The following SGCD variants were observed in gnomAD, a reference collection of about 807,000 sequenced individuals.
SGCD encodes sarcoglycan delta, also known as delta-sarcoglycan.
Under a neutral mutation model 36.6 loss-of-function variants are expected in SGCD, and 18 were observed. That is an observed-to-expected ratio of 0.49 (90% CI 0.34 to 0.73). The LOEUF (loss-of-function observed/expected upper bound fraction) is 0.73, where lower values mean the gene tolerates loss of function less well. Among genes scored for constraint, SGCD ranks in the 30% least tolerant of loss-of-function variants. The pLI is 0.01. For synonymous variants in SGCD, 133 were observed against 130.6 expected, an observed-to-expected ratio of 1.02 and a Z score of -0.12; for missense variants, 387 against 346.7, an observed-to-expected ratio of 1.12 and a Z score of -0.92.
In SGCD at chr5:155,921,948, A is replaced by G. The variant is rs78481690; in HGVS notation, c.-282+51524A>G. The stretch of plus-strand genomic sequence containing the variant: ...GGTGCCTAATGCACCTACTATGTGT[A>G]AGGACTAGAGACACGTACTCTGGAA... On this transcript the variant is annotated intron_variant, in intron 1 of 9. Transcript: ENST00000517913. 1.3e-4 allele frequency among the ~76,000 whole-genome samples: 20 copies of G among 152,350 alleles called. No individual in the cohort carries two copies. In the East Asian group the frequency reaches 3.7e-3, roughly 28 times the overall value.
chr5:155,820,304 C>T, the SGCD span, among the ~76,000 whole-genome samples: 1 of 152,094 alleles, frequency 6.6e-6, no homozygotes, highest in Non-Finnish European at 1.5e-5. Context: ...AGCAGACAGG[C>T]AGAATTGGAA....
intron 1 of SGCD, among the ~76,000 whole-genome samples, chr5:156,010,688 C>T (rs999637659): frequency 1.3e-5 from 2 of 152,096 alleles, no homozygotes; most frequent in Non-Finnish European, 2.9e-5. Context: ...TAATCTTTGG[C>T]ACAAACTTGG....
At chr5:156,379,081 G>A (rs1770836365) in intron 3 of SGCD, among the ~76,000 whole-genome samples, 2 of 151,970 alleles carry the variant, frequency 1.3e-5, no homozygotes, top group Non-Finnish European at 2.9e-5. Flanking sequence ...AACAATTATT[G>A]AAAGTACCTA....
chr5:156,750,742 A>G (rs1383095937), intron 7 of SGCD, among the ~76,000 whole-genome samples: 2 of 152,210 alleles, frequency 1.3e-5, no homozygotes, highest in Non-Finnish European at 2.9e-5. Context: ...TAGATTATGA[A>G]AAACAGCTTA....
chr5:156,100,504 A>G (rs1286451955), intron 1 of SGCD, among the ~76,000 whole-genome samples: 1 of 152,162 alleles, frequency 6.6e-6, no homozygotes, highest in Non-Finnish European at 1.5e-5. Context: ...GTGGCACTAG[A>G]CATCTTTATT....
chr5:155,953,080 T>C (rs984297119), intron 1 of SGCD, among the ~76,000 whole-genome samples: 3 of 152,106 alleles, frequency 2.0e-5, no homozygotes, highest in Admixed American at 1.3e-4. Context: ...TTCGCTGACC[T>C]CACTCGCCCA....
chr5:156,346,507 C>G (rs1483204302), intron 3 of SGCD, among the ~76,000 whole-genome samples: 3 of 152,018 alleles, frequency 2.0e-5, no homozygotes, highest in Non-Finnish European at 4.4e-5. Flanking sequence ...ACTGTGTGGC[C>G]CAAGCTGGTC....
At chr5:156,166,612 G>A (rs573650410) in intron 3 of SGCD, among the ~76,000 whole-genome samples, 25 of 152,316 alleles carry the variant, frequency 1.6e-4, no homozygotes, top group Non-Finnish European at 3.7e-4. Flanking sequence ...GAGCCACCGT[G>A]CCCAGCCCTC....
chr5:156,606,335 T>G (rs1761451990), intron 6 of SGCD, among the ~76,000 whole-genome samples: 1 of 152,218 alleles, frequency 6.6e-6, no homozygotes, highest in Non-Finnish European at 1.5e-5. Context: ...TTGTCAGGTA[T>G]GTCAAAGATC....
chr5:156,476,230 A>G (rs1581047652), intron 3 of SGCD, among the ~76,000 whole-genome samples: 1 of 152,194 alleles, frequency 6.6e-6, no homozygotes, highest in Admixed American at 6.5e-5. Context: ...CCTCCAGTGC[A>G]GTTCTGGGGG....
At chr5:156,326,947 C>G (rs1767837954), upstream of SGCD, 1 of 152,306 alleles carries the variant, frequency 6.6e-6, no homozygotes, top group Non-Finnish European at 1.5e-5. Flanking sequence ...TAGCTGGAGA[C>G]AGCCCAGTAG....
At chr5:156,450,855 G>A (rs1204681911) in intron 3 of SGCD, among the ~76,000 whole-genome samples, 1 of 151,936 alleles carries the variant, frequency 6.6e-6, no homozygotes, top group African/African-American at 2.4e-5. Flanking sequence ...CATTTGAAAA[G>A]TACTTTCTTT....
chr5:156,318,204 G>T (rs2127694858), intron 3 of SGCD, among the ~76,000 whole-genome samples: 1 of 152,268 alleles, frequency 6.6e-6, no homozygotes, highest in African/African-American at 2.4e-5. Context: ...AGTATCACAT[G>T]CATAGGAATA....
intron 3 of SGCD, among the ~76,000 whole-genome samples, chr5:156,305,813 A>C (rs1031239468): frequency 6.6e-6 from 1 of 152,240 alleles, no homozygotes; most frequent in Non-Finnish European, 1.5e-5. Flanking sequence ...CTCTTGCATC[A>C]GTGTGATCCA....
At chr5:156,322,944 T>A (rs976813454), upstream of SGCD, among the ~76,000 whole-genome samples, 1 of 152,182 alleles carries the variant, frequency 6.6e-6, no homozygotes, top group Non-Finnish European at 1.5e-5. Flanking sequence ...CACATTGGAA[T>A]CATCTGAGGG....
intron 6 of SGCD, among the ~76,000 whole-genome samples, chr5:156,622,378 A>G (rs1477086005): frequency 6.6e-6 from 1 of 151,182 alleles, no homozygotes; most frequent in Admixed American, 6.6e-5. Flanking sequence ...GGTTGCAGTG[A>G]GCCGAGATGG....
At chr5:155,768,080 T>C in the SGCD span, among the ~76,000 whole-genome samples, 1 of 152,134 alleles carries the variant, frequency 6.6e-6, no homozygotes, top group African/African-American at 2.4e-5. Flanking sequence ...CTTTCAGTAG[T>C]ACTGTTAGAT....
At chr5:155,991,446 T>C (rs1187861389) in intron 1 of SGCD, among the ~76,000 whole-genome samples, 2 of 152,058 alleles carry the variant, frequency 1.3e-5, no homozygotes, top group African/African-American at 4.8e-5. Flanking sequence ...CTCAAAGAGA[T>C]CACACTGAAG....
rs186567840 is a variant in SGCD at position 155,969,322 on chromosome 5, G to A, written c.-282+98898G>A. On this transcript the variant is annotated intron_variant, in intron 1 of 9. Coordinates refer to the SGCD transcript ENST00000517913. ...GTCCATGGAGTAATGTTGGGCAAAG[G>A]TATTCAGTTAGAATTAAAGCATAAT... Among the ~76,000 whole-genome samples the A allele has an allele frequency of 9.2e-5, 14 of 152,230 alleles. No homozygotes were observed. The East Asian group carries it at 2.5e-3, about 27-fold the overall frequency.
Sources: allele counts gnomAD v4.1 joint callset (sites outside exome capture counted in the v4.1 genomes callset), GRCh38; gene constraint gnomAD v4.1.1; transcripts MANE v1.5; gene names NCBI Gene and HGNC (gene_info 2026-07-23, HGNC 2026-07-21).